PEAK1: variants seen among roughly 807,000 people sequenced by gnomAD.
PEAK1 encodes the protein pseudopodium enriched atypical kinase 1, also known as inactive tyrosine-protein kinase PEAK1.
A neutral mutation model predicts 124.7 loss-of-function variants in PEAK1; 54 were observed. The observed-to-expected ratio is 0.43, with a 90% CI of 0.35 to 0.54. The LOEUF (loss-of-function observed/expected upper bound fraction) is 0.54, where lower values mean the gene tolerates loss of function less well. Ranked by LOEUF, PEAK1 falls within the 20% of genes least tolerant of loss-of-function variation. The probability of loss-of-function intolerance (pLI) is 0.01; values close to 1 mark genes in which losing one functional copy is unlikely to be tolerated. For missense variants in PEAK1, 2,046 were observed against 2,134.5 expected (o/e 0.96, Z 0.82); for synonymous variants, 719 against 760.0 (o/e 0.95, Z 0.89).
chr15:77,213,649 AC>A (rs1477004293), intron 6 of PEAK1, among the ~76,000 whole-genome samples: 1 of 152,120 alleles, frequency 6.6e-6, no homozygotes, highest in East Asian at 1.9e-4. Flanking sequence ...AGATCGCATC[AC>A]TGCACTCCAG....
In PEAK1 at chr15:77,117,337, A is replaced by G. The variant is rs1363440537; in HGVS notation, c.4078-2018T>C. On this transcript the variant is annotated intron_variant, in intron 9 of 9. Transcript: ENST00000682557. ...AATTTCTCTGGGTCTCAGTCTCCCT[A>G]TTAAAGGAGACAATATGAAGAACAC... Among the ~76,000 whole-genome samples, 3 of 152,320 alleles carry G rather than the reference A, an allele frequency of 2.0e-5. No individual in the cohort carries two copies. In the South Asian group the frequency reaches 6.2e-4, roughly 32 times the overall value.
chr15:77,420,854 A>C (rs951550658), upstream of PEAK1: 23 of 398,604 alleles, frequency 5.8e-5, no homozygotes, highest in Non-Finnish European at 9.7e-5. Flanking sequence ...AGGAAAGGAC[A>C]CCAAAATAAA....
intron 6 of PEAK1, among the ~76,000 whole-genome samples, chr15:77,233,980 C>T (rs897510638): frequency 6.6e-6 from 1 of 152,130 alleles, no homozygotes; most frequent in Non-Finnish European, 1.5e-5. Flanking sequence ...ATGCTCCCAC[C>T]TCAGCCTCCC....
downstream of PEAK1, chr15:77,105,244 G>A (rs1479252383): frequency 1.3e-5 from 2 of 152,204 alleles, no homozygotes; most frequent in Non-Finnish European, 2.9e-5. Context: ...TTCCTCAGAA[G>A]CCCTCACAGC....
intron 2 of PEAK1, among the ~76,000 whole-genome samples, chr15:77,317,199 C>T (rs373881274): frequency 7.9e-5 from 12 of 152,160 alleles, no homozygotes; most frequent in East Asian, 5.8e-4. Flanking sequence ...AGTTCAAAAT[C>T]GTTAAGTCTG....
intron 5 of PEAK1, among the ~76,000 whole-genome samples, chr15:77,265,216 C>T (rs2061657654): frequency 1.3e-5 from 2 of 152,260 alleles, no homozygotes; most frequent in African/African-American, 2.4e-5. Context: ...ATGTCTAAAA[C>T]ACCAAAAGCA....
rs548553720 is a variant in PEAK1 at position 77,350,057 on chromosome 15, G to C, written c.-603+15106C>G. On this transcript the variant is annotated intron_variant, in intron 2 of 9. Transcript: ENST00000682557. ...TAGGAAGTCAGGGCTCAGCCACCAT[G>C]ATAGTTTTCAGATCATTTGTGCAAA... 4.1e-6 allele frequency: 4 copies of C among 985,374 alleles called. No individual in the cohort carries two copies. In the East Asian group the frequency reaches 4.5e-4, roughly 112 times the overall value. 61.0% of individuals were successfully genotyped at this position (985,374 alleles called of 1,614,324 possible).
chr15:77,293,363 C>T (rs1435757728), intron 2 of PEAK1, among the ~76,000 whole-genome samples: 3 of 152,212 alleles, frequency 2.0e-5, no homozygotes, highest in Non-Finnish European at 2.9e-5. Context: ...CATGATTTGG[C>T]ACCAAGCCAT....
chr15:77,253,517 C>A lies in PEAK1; in HGVS notation c.-274-991G>T, dbSNP rs139795174. ...ACTGAGTTTCCATCTGATATCACTG[C>A]CTTTCAGCTTAGAAACTCTTAGTAG... On this transcript the variant is annotated intron_variant, in intron 5 of 9. Coordinates refer to ENST00000682557, the MANE Select transcript of PEAK1 (RefSeq NM_001385026.1). Among the ~76,000 whole-genome samples the A allele has an allele frequency of 6.8e-3, 1,028 of 152,194 alleles. 4 individuals are homozygous for A. Among genetic ancestry groups the A allele is most frequent in the Non-Finnish European group, 0.011 (714 of 67,998 alleles).
intron 2 of PEAK1, among the ~76,000 whole-genome samples, chr15:77,343,008 C>T (rs2066638423): frequency 6.6e-6 from 1 of 152,128 alleles, no homozygotes; most frequent in Non-Finnish European, 1.5e-5. Context: ...TATGATAGTT[C>T]TATTTTTACC....
intron 9 of PEAK1, 50 bp downstream of exon 9, chr15:77,132,955 T>G (rs899756928): frequency 2.6e-6 from 4 of 1,518,830 alleles, no homozygotes; most frequent in Non-Finnish European, 3.6e-6. Context: ...TCCATCCCAG[T>G]AACAATGTAG....
In PEAK1 at chr15:77,262,918, A is replaced by G. The variant is rs867199793; in HGVS notation, c.-274-10392T>C. ...AACAAACTGTCTCTCAGGCCACAGT[A>G]CAATCAAACTAGAACTCAGGATTAA... On this transcript the variant is annotated intron_variant, in intron 5 of 9. Transcript: ENST00000682557. Among the ~76,000 whole-genome samples, 35 of 152,280 alleles carry G rather than the reference A, an allele frequency of 2.3e-4. 1 individual carries two copies. The highest frequency in any genetic ancestry group is 7.0e-4 in the African/African-American group (29 of 41,550).
intron 1 of PEAK1, among the ~76,000 whole-genome samples, chr15:77,396,369 A>G (rs1453747747): frequency 2.6e-5 from 4 of 152,126 alleles, no homozygotes; most frequent in Admixed American, 6.5e-5. Flanking sequence ...GACGACCACA[A>G]AACAACCAGG....
At chr15:77,158,847 C>T (rs1461451066) in intron 7 of PEAK1, 151 bp from the exon 8 acceptor site, 4 of 713,650 alleles carry the variant, frequency 5.6e-6, no homozygotes, top group Non-Finnish European at 9.1e-6. Flanking sequence ...TTCATTTAGG[C>T]AGATACTTCT....
intron 1 of PEAK1, chr15:77,402,655 C>T (rs2071471254): frequency 3.0e-6 from 3 of 985,300 alleles, no homozygotes; most frequent in African/African-American, 1.7e-5. Flanking sequence ...GTGCCAACTA[C>T]TCCCATAGTG....
intron 8 of PEAK1, among the ~76,000 whole-genome samples, chr15:77,141,704 GA>G (rs1419996354): frequency 6.6e-6 from 1 of 152,176 alleles, no homozygotes; most frequent in African/African-American, 2.4e-5. Context: ...ATATATTTGA[GA>G]GCGCAGAAGT....
At chr15:77,332,889 C>T (rs2065977716) in intron 2 of PEAK1, 1 of 193,444 alleles carries the variant, frequency 5.2e-6, no homozygotes, top group Admixed American at 6.5e-5. Context: ...TTATCCATTT[C>T]TTTGTTTACT....
At chr15:77,257,827 C>G (rs2061239128) in intron 5 of PEAK1, among the ~76,000 whole-genome samples, 1 of 82,734 alleles carries the variant, frequency 1.2e-5, no homozygotes, top group South Asian at 3.7e-4. Context: ...AATGGTAAGG[C>G]CTAGGTTTTC....
At chr15:77,350,384 T>G in intron 2 of PEAK1, 2 of 985,386 alleles carry the variant, frequency 2.0e-6, no homozygotes, top group Non-Finnish European at 1.2e-6. Context: ...AAGACTTCAT[T>G]TGTGCTCAGC....
Sources: allele counts gnomAD v4.1 joint callset (sites outside exome capture counted in the v4.1 genomes callset), GRCh38; gene constraint gnomAD v4.1.1; transcripts MANE v1.5; gene names NCBI Gene and HGNC (gene_info 2026-07-23, HGNC 2026-07-21).